DMD: variants seen among roughly 807,000 people sequenced by gnomAD.
DMD encodes the protein mutant dystrophin.
DMD carries 63 observed loss-of-function variants against 330.1 expected under a neutral mutation model. The observed-to-expected ratio is 0.19, with a 90% CI of 0.16 to 0.24. The LOEUF is 0.24. Ranked by LOEUF, DMD falls within the 10% of genes least tolerant of loss-of-function variation. The pLI is 1.00. For missense variants in DMD, 3,344 were observed against 2,684.1 expected, an observed-to-expected ratio of 1.25 and a Z score of -5.43; for synonymous variants, 1,223 against 959.8, an observed-to-expected ratio of 1.27 and a Z score of -5.07.
At chrX:31,346,279 G>A (rs1384893118) in intron 61 of DMD, among the ~76,000 whole-genome samples, 1 of 109,246 alleles carries the variant, frequency 9.2e-6, no homozygotes, top group Non-Finnish European at 1.9e-5. Flanking sequence ...ATTGAAATGG[G>A]TATAATAATG....
chrX:32,014,561 T>C (rs915485513), intron 44 of DMD, among the ~76,000 whole-genome samples: 2 of 111,495 alleles, frequency 1.8e-5, no homozygotes, highest in African/African-American at 6.5e-5. Context: ...GTTGCTAACT[T>C]CTCTATAGTA....
intron 1 of DMD, among the ~76,000 whole-genome samples, chrX:33,024,059 C>T (rs1372704387): frequency 2.7e-5 from 3 of 111,246 alleles, no homozygotes; most frequent in Admixed American, 9.6e-5. Flanking sequence ...AAGCTGTATA[C>T]CCTTAGTTAA....
intron 62 of DMD, among the ~76,000 whole-genome samples, chrX:31,294,417 C>T (rs938869046): frequency 2.7e-5 from 3 of 112,228 alleles, no homozygotes; most frequent in African/African-American, 6.5e-5. Flanking sequence ...ATCCTCTACC[C>T]GAACATCCAT....
intron 2 of DMD, among the ~76,000 whole-genome samples, chrX:32,941,095 A>G (rs1204487684): frequency 8.9e-6 from 1 of 111,782 alleles, no homozygotes; most frequent in Non-Finnish European, 1.9e-5. Flanking sequence ...CAAAACCACA[A>G]TGAGATACCA....
At chrX:32,012,573 T>C (rs991555599) in intron 44 of DMD, among the ~76,000 whole-genome samples, 1 of 111,934 alleles carries the variant, frequency 8.9e-6, no homozygotes, top group Admixed American at 9.5e-5. Flanking sequence ...TCTGTATCTA[T>C]TCTGAAATTC....
chrX:33,283,308 G>A (rs760633501), intron 1 of DMD, among the ~76,000 whole-genome samples: 4 of 111,379 alleles, frequency 3.6e-5, no homozygotes, highest in East Asian at 2.8e-4. Context: ...GGAGGCCAAC[G>A]TGGGTGGATC....
intron 49 of DMD, among the ~76,000 whole-genome samples, chrX:31,825,480 A>G (rs1054408296): frequency 9.0e-6 from 1 of 111,680 alleles, no homozygotes; most frequent in African/African-American, 3.3e-5. Context: ...ATGAGGATAA[A>G]GAGAGATCAA....
At chrX:33,291,988 C>T in intron 1 of DMD, among the ~76,000 whole-genome samples, 2 of 111,656 alleles carry the variant, frequency 1.8e-5, no homozygotes, top group Non-Finnish European at 3.8e-5. Context: ...TTATCTCAAG[C>T]AAATTTATAA....
intron 9 of DMD, among the ~76,000 whole-genome samples, chrX:32,652,656 A>G (rs1001347100): frequency 2.7e-5 from 3 of 110,860 alleles, no homozygotes; most frequent in African/African-American, 9.9e-5. Flanking sequence ...ATACCCAGTA[A>G]TGGGTATATT....
At chrX:32,450,837 A>G (rs150516052) in intron 26 of DMD, among the ~76,000 whole-genome samples, 2,670 of 111,080 alleles carry the variant, frequency 0.024, 54 homozygotes, top group Non-Finnish European at 0.037. Context: ...ACTTCTTTCC[A>G]TGGTTTTTAG....
chrX:32,854,799 A>G (rs1301589308), intron 2 of DMD, among the ~76,000 whole-genome samples: 1 of 111,505 alleles, frequency 9.0e-6, no homozygotes, highest in African/African-American at 3.3e-5. Context: ...TATTGTGAAA[A>G]AGAGGAGGAG....
chrX:32,915,916 G>A (rs2087756337), intron 2 of DMD, among the ~76,000 whole-genome samples: 1 of 110,909 alleles, frequency 9.0e-6, no homozygotes, highest in East Asian at 2.8e-4. Flanking sequence ...TCTTTTGACT[G>A]GGCTATTCTG....
intron 9 of DMD, among the ~76,000 whole-genome samples, chrX:32,673,795 C>G (rs1241185961): frequency 8.9e-6 from 1 of 112,116 alleles, no homozygotes; most frequent in African/African-American, 3.2e-5. Context: ...GGGGATTGTG[C>G]AAAGCACAGA....
intron 45 of DMD, among the ~76,000 whole-genome samples, chrX:31,946,103 C>T (rs2095082759): frequency 8.9e-6 from 1 of 112,067 alleles, no homozygotes; most frequent in South Asian, 3.7e-4. Flanking sequence ...AAAGCACTTA[C>T]AGTCATTTGG....
At chrX:31,144,482 C>T (rs752126802) in intron 76 of DMD, among the ~76,000 whole-genome samples, 1 of 111,869 alleles carries the variant, frequency 8.9e-6, no homozygotes, top group Non-Finnish European at 1.9e-5. Flanking sequence ...TGAATTTTCC[C>T]GACTGTGATC....
At chrX:32,562,600 T>A (rs1277628450) in intron 16 of DMD, among the ~76,000 whole-genome samples, 2 of 112,601 alleles carry the variant, frequency 1.8e-5, no homozygotes, top group East Asian at 5.6e-4. Context: ...ATGTGAGTAG[T>A]CATTAATGAA....
chrX:33,183,544 GCAC>G (rs943397488), intron 1 of DMD, among the ~76,000 whole-genome samples: 12 of 111,607 alleles, frequency 1.1e-4, no homozygotes, highest in African/African-American at 3.9e-4. Context: ...AATCTCAGCA[GCAC>G]CACAAGAGCA....
intron 60 of DMD, among the ~76,000 whole-genome samples, chrX:31,425,695 T>TACACACACACACACACACACAC (rs58343053): frequency 0.022 from 2,240 of 103,530 alleles, 41 homozygotes; most frequent in African/African-American, 0.054. Context: ...CAGGCATGAG[T>TACACACACACACACACACACAC]ACACACACAC....
At chrX:33,054,601 T>C (rs1603122710) in intron 1 of DMD, among the ~76,000 whole-genome samples, 1 of 112,480 alleles carries the variant, frequency 8.9e-6, no homozygotes, top group Middle Eastern at 4.6e-3. Context: ...CAGTTAAATT[T>C]ATTTTGAAGA....
Sources: allele counts gnomAD v4.1 joint callset (sites outside exome capture counted in the v4.1 genomes callset), GRCh38; gene constraint gnomAD v4.1.1; transcripts MANE v1.5; gene names NCBI Gene and HGNC (gene_info 2026-07-23, HGNC 2026-07-21).